ABTB2: variants seen among roughly 807,000 people sequenced by gnomAD.
The protein encoded by ABTB2 is ankyrin repeat and BTB/POZ domain-containing protein 2.
ABTB2 carries 56 observed loss-of-function variants against 104.1 expected under a neutral mutation model. The ratio of observed to expected loss-of-function variants is 0.54; its 90% CI spans 0.43 to 0.67. The LOEUF is 0.67. Ranked by LOEUF, ABTB2 falls within the 30% of genes least tolerant of loss-of-function variation. The pLI is 0.00. For synonymous variants in ABTB2, 606 were observed against 608.2 expected (o/e 1.00, Z 0.05); for missense variants, 1,279 against 1,407.7 (o/e 0.91, Z 1.46).
intron 1 of ABTB2, among the ~76,000 whole-genome samples, chr11:34,313,879 C>T (rs1357083770): frequency 1.3e-5 from 2 of 152,202 alleles, no homozygotes; most frequent in Non-Finnish European, 2.9e-5. Flanking sequence ...TAAAAGCCCT[C>T]CCCACCGTCC....
intron 1 of ABTB2, among the ~76,000 whole-genome samples, chr11:34,319,588 TTCACACTG>T (rs1254329393): frequency 6.6e-6 from 1 of 152,256 alleles, no homozygotes; most frequent in Non-Finnish European, 1.5e-5. Flanking sequence ...ACTGTCACTC[TTCACACTG>T]TGTGGTAAGT....
At chr11:34,160,099 G>A in intron 12 of ABTB2, 91 bp from the exon 13 acceptor site, 1 of 1,292,450 alleles carries the variant, frequency 7.7e-7, no homozygotes, top group South Asian at 1.2e-5. Context: ...TCTGGGGTTG[G>A]GGGTGGGACA....
chr11:34,350,059 G>C (rs1590266889), intron 1 of ABTB2, among the ~76,000 whole-genome samples: 1 of 152,182 alleles, frequency 6.6e-6, no homozygotes, highest in Non-Finnish European at 1.5e-5. Flanking sequence ...AGAGGAAATA[G>C]AAACATAGTG....
rs55819950 is a variant in ABTB2, at chr11:34,172,418, A to ATATGTG, written c.1397+736_1397+737insCACATA. Among the ~76,000 whole-genome samples, 218 of 84,070 alleles carry ATATGTG rather than the reference A, an allele frequency of 2.6e-3. 5 individuals are homozygous for ATATGTG. The highest frequency in any genetic ancestry group is 7.7e-3 in the Middle Eastern group (1 of 130). The allele number at this position is 84,070 out of a possible 152,430, so 55.2% of individuals were successfully genotyped here. A position where few individuals can be genotyped will look rare whatever the true frequency, so the allele number is the denominator to read the frequency against. ...AAAATATATATATATATATATATAT[A>ATATGTG]TGTGTGTGTGTGTGTGTATATAGAT... is the stretch of plus-strand genomic sequence containing the variant. On this transcript the variant is annotated intron_variant, in intron 4 of 16. Coordinates refer to ENST00000435224, the MANE Select transcript of ABTB2 (RefSeq NM_145804.3).
intron 1 of ABTB2, among the ~76,000 whole-genome samples, chr11:34,345,809 C>A (rs1253459875): frequency 6.6e-6 from 1 of 152,198 alleles, no homozygotes; most frequent in Non-Finnish European, 1.5e-5. Context: ...TACCCGGCTG[C>A]TGAGATGGGC....
chr11:34,162,844 C>G lies in ABTB2; in HGVS notation c.1989-39G>C, dbSNP rs779521490. 1.9e-6 allele frequency: 3 copies of G among 1,551,640 alleles called. No homozygotes were observed. The African/African-American group carries it at 4.1e-5, about 21-fold the overall frequency. On this transcript the variant is annotated intron_variant, in intron 9 of 16. Coordinates refer to ENST00000435224, the MANE Select transcript of ABTB2 (RefSeq NM_145804.3). ...GATGAATGAAGGTGAGGGCTGAAGT[C>G]CCACAGGCAGTGCCCACCTGAGCTG...
chr11:34,227,597 A>T (rs1853704604), intron 1 of ABTB2, among the ~76,000 whole-genome samples: 1 of 152,178 alleles, frequency 6.6e-6, no homozygotes, highest in Admixed American at 6.5e-5. Context: ...GAATATTTGG[A>T]TTGTTTCTAC....
intron 1 of ABTB2, among the ~76,000 whole-genome samples, chr11:34,321,595 G>A (rs1035353316): frequency 1.2e-4 from 18 of 152,176 alleles, no homozygotes; most frequent in African/African-American, 3.9e-4. Flanking sequence ...GCTGGGTAGG[G>A]TAGTTTCAGG....
At chr11:34,198,821 G>GC (rs1459784894) in intron 2 of ABTB2, among the ~76,000 whole-genome samples, 1 of 152,220 alleles carries the variant, frequency 6.6e-6, no homozygotes, top group East Asian at 1.9e-4. Context: ...GCACCTGCAG[G>GC]CACCTCCGCT....
intron 1 of ABTB2, among the ~76,000 whole-genome samples, chr11:34,208,810 C>G (rs969663353): frequency 6.6e-6 from 1 of 152,054 alleles, no homozygotes; most frequent in Admixed American, 6.6e-5. Flanking sequence ...AACCACCAAG[C>G]CTTGCTGCTT....
chr11:34,170,214 A>G (rs1565130877), intron 5 of ABTB2, among the ~76,000 whole-genome samples: 2 of 152,204 alleles, frequency 1.3e-5, no homozygotes, highest in East Asian at 1.9e-4. Flanking sequence ...CAATTTCCTC[A>G]TCTATACAAT....
intron 13 of ABTB2, 119 bp downstream of exon 13, chr11:34,159,787 A>C: frequency 1.3e-6 from 1 of 783,194 alleles, no homozygotes; most frequent in Non-Finnish European, 2.1e-6. Flanking sequence ...ATGTGACTGC[A>C]GTCTGAGGGG....
At chr11:34,290,016 C>T (rs1371388501) in intron 1 of ABTB2, among the ~76,000 whole-genome samples, 1 of 152,238 alleles carries the variant, frequency 6.6e-6, no homozygotes, top group Non-Finnish European at 1.5e-5. Flanking sequence ...TCACCTCCAA[C>T]AGCTTCTTTA....
chr11:34,299,802 C>G (rs1237921596), intron 1 of ABTB2, among the ~76,000 whole-genome samples: 1 of 152,234 alleles, frequency 6.6e-6, no homozygotes, highest in Non-Finnish European at 1.5e-5. Flanking sequence ...AAGCCAGAAG[C>G]AGCGGGTGAG....
intron 3 of ABTB2, among the ~76,000 whole-genome samples, chr11:34,191,152 C>T (rs886563283): frequency 3.9e-5 from 6 of 152,110 alleles, no homozygotes; most frequent in South Asian, 4.1e-4. Context: ...ACCTATAGTC[C>T]CAGCTACTTG....
At chr11:34,234,722 C>A (rs2611102) in intron 1 of ABTB2, among the ~76,000 whole-genome samples, 1 of 152,170 alleles carries the variant, frequency 6.6e-6, no homozygotes, top group Non-Finnish European at 1.5e-5. Flanking sequence ...TTGCCTATTG[C>A]GACTCCCAGC....
intron 12 of ABTB2, 76 bp downstream of exon 12, chr11:34,160,171 AC>A: frequency 7.1e-7 from 1 of 1,404,054 alleles, no homozygotes; most frequent in South Asian, 1.2e-5. Flanking sequence ...GAGAAAGATG[AC>A]AAAGTGGGGA....
chr11:34,178,888 C>T (rs1852989069), intron 3 of ABTB2, among the ~76,000 whole-genome samples: 1 of 151,960 alleles, frequency 6.6e-6, no homozygotes, highest in Admixed American at 6.6e-5. Flanking sequence ...CCAGCCTGAC[C>T]AACTTGGCAA....
At position 34,357,493 on chromosome 11, in the gene ABTB2, TGAGCGA is replaced by T; in HGVS notation, c.85_90del (p.Leu32_Ser33del). Reference sequence around the variant, plus strand: ...GAGTTGGACTTGGAGGACGAGAGGCTGAGCGAGCGGCACGAGTCCCCGGCCCCATAC... The same window carrying T: ...GAGTTGGACTTGGAGGACGAGAGGCTGCGGCACGAGTCCCCGGCCCCATAC... On this transcript the variant is annotated inframe_deletion, in exon 1 of 17. Transcript: ENST00000435224. 1 of 1,543,862 alleles carries T rather than the reference TGAGCGA, an allele frequency of 6.5e-7. No homozygotes were observed. Among genetic ancestry groups the T allele is most frequent in the Non-Finnish European group, 8.7e-7 (1 of 1,146,820 alleles).
Sources: gnomAD v4.1 joint callset for allele counts (sites outside exome capture counted in the v4.1 genomes callset) on GRCh38, gnomAD v4.1.1 for gene constraint, MANE v1.5 for transcripts, NCBI Gene and HGNC (gene_info 2026-07-23, HGNC 2026-07-21) for gene names.